The following JAZF1 variants were observed in gnomAD, a reference collection of about 807,000 sequenced individuals.
JAZF1 encodes JAZF zinc finger 1, also known as juxtaposed with another zinc finger protein 1.
JAZF1 carries 8 observed loss-of-function variants against 26.4 expected under a neutral mutation model. That is an observed-to-expected ratio of 0.30 (90% CI 0.18 to 0.55). The LOEUF (loss-of-function observed/expected upper bound fraction) is 0.55, where lower values mean the gene tolerates loss of function less well. JAZF1 is among the 20% of genes least tolerant of loss of function. The pLI is 0.94. For synonymous variants in JAZF1, 126 were observed against 122.3 expected (o/e 1.03, Z -0.20); for missense variants, 199 against 322.0 (o/e 0.62, Z 2.92).
intron 2 of JAZF1, among the ~76,000 whole-genome samples, chr7:27,954,676 A>C (rs1457117476): frequency 6.6e-6 from 1 of 152,192 alleles, no homozygotes; most frequent in East Asian, 1.9e-4. Flanking sequence ...CTATGGGTGG[A>C]GGGCAAGGCA....
Position 28,180,466 on chromosome 7 carries a change from T to C in JAZF1, c.112A>G (p.Ile38Val). ...DLIEHIEDNH[I>V]DTDPRVLEKQ... is the part of the protein sequence containing the mutation. ...CGCCCACCCCCGGGCCATTTACCGA[T>C]GTGGTTGTCCTCGATGTGCTCGATG... Residue 38 changes from isoleucine (I) to valine (V), a missense_variant, in exon 1 of 5, where the codon ATC (isoleucine) becomes GTC (valine). Physicochemically the swap from Ile to Val is conservative, Grantham distance 29. Coordinates refer to ENST00000283928, the MANE Select transcript of JAZF1 (RefSeq NM_175061.4). 6.3e-7 allele frequency: 1 copy of C among 1,596,314 alleles called. No homozygotes were observed. The highest frequency in any genetic ancestry group is 8.6e-7 in the Non-Finnish European group (1 of 1,169,214).
chr7:27,961,090 T>C (rs1460972605), intron 2 of JAZF1, among the ~76,000 whole-genome samples: 1 of 152,206 alleles, frequency 6.6e-6, no homozygotes, highest in Non-Finnish European at 1.5e-5. Context: ...AAGCTGGCAG[T>C]TTTATTGCTT....
intron 1 of JAZF1, among the ~76,000 whole-genome samples, chr7:28,066,820 T>G (rs962904264): frequency 3.3e-5 from 5 of 152,002 alleles, no homozygotes; most frequent in African/African-American, 1.2e-4. Flanking sequence ...AAACTCTAAT[T>G]GGAAAATCAG....
At chr7:27,960,183 T>C (rs1469579153) in intron 2 of JAZF1, among the ~76,000 whole-genome samples, 2 of 152,232 alleles carry the variant, frequency 1.3e-5, no homozygotes, top group Non-Finnish European at 2.9e-5. Flanking sequence ...GTTAGACTTG[T>C]TGTGCTTATT....
intron 2 of JAZF1, among the ~76,000 whole-genome samples, chr7:27,910,296 A>G (rs1359293799): frequency 1.3e-5 from 2 of 152,164 alleles, no homozygotes; most frequent in Non-Finnish European, 2.9e-5. Context: ...TTTCCCCTAC[A>G]TGCTCCATCC....
chr7:27,870,059 C>T (rs967396151), intron 3 of JAZF1, among the ~76,000 whole-genome samples: 87 of 151,134 alleles, frequency 5.8e-4, no homozygotes, highest in Non-Finnish European at 1.0e-3. Flanking sequence ...CAGGCGCACA[C>T]TGCCACACCC....
At chr7:27,973,225 G>A (rs1562545098) in intron 2 of JAZF1, among the ~76,000 whole-genome samples, 1 of 152,016 alleles carries the variant, frequency 6.6e-6, no homozygotes, top group East Asian at 1.9e-4. Context: ...TTAATGTTAT[G>A]ATTTTTTAAA....
intron 3 of JAZF1, among the ~76,000 whole-genome samples, chr7:27,845,733 A>G (rs1442210126): frequency 6.6e-6 from 1 of 151,620 alleles, no homozygotes; most frequent in Admixed American, 6.6e-5. Flanking sequence ...AAAGAAAAAG[A>G]AATTTTAAAA....
chr7:28,174,060 A>C (rs1403020453), intron 1 of JAZF1, among the ~76,000 whole-genome samples: 1 of 152,170 alleles, frequency 6.6e-6, no homozygotes, highest in Non-Finnish European at 1.5e-5. Flanking sequence ...TCAGATTCTA[A>C]ATAAATAACA....
chr7:28,115,415 A>G (rs960017639), intron 1 of JAZF1, among the ~76,000 whole-genome samples: 1 of 152,202 alleles, frequency 6.6e-6, no homozygotes, highest in African/African-American at 2.4e-5. Flanking sequence ...AATTTAGACT[A>G]GCCACATTTC....
chr7:28,119,105 G>A (rs1329701391), intron 1 of JAZF1, among the ~76,000 whole-genome samples: 2 of 152,064 alleles, frequency 1.3e-5, no homozygotes. Context: ...AAGAGGCAGT[G>A]GCCATGCTGC....
intron 1 of JAZF1, among the ~76,000 whole-genome samples, chr7:28,002,888 G>A (rs569331951): frequency 6.6e-6 from 1 of 152,034 alleles, no homozygotes. Context: ...TAATATGGTA[G>A]ATTTCTTTCA....
At position 28,101,813 on chromosome 7, in the gene JAZF1, AAAAC is replaced by A. The variant is rs543544505; in HGVS notation, c.115+78646_115+78649del. On this transcript the variant is annotated intron_variant, in intron 1 of 4. Coordinates refer to ENST00000283928, the MANE Select transcript of JAZF1 (RefSeq NM_175061.4). ...TTGGTGTACTTGAGAATCTGTAAAGAAAACAAACAAACAAATAAACAAAAACAAA... is the reference window on the plus strand; with the variant it reads ...TTGGTGTACTTGAGAATCTGTAAAGAAAACAAACAAATAAACAAAAACAAA... Among the ~76,000 whole-genome samples the A allele has an allele frequency of 4.6e-3, 703 of 152,306 alleles. 5 individuals are homozygous for A. Among genetic ancestry groups the A allele is most frequent in the African/African-American group, 0.011 (453 of 41,572 alleles).
At chr7:28,115,113 A>C (rs889377015) in intron 1 of JAZF1, among the ~76,000 whole-genome samples, 6 of 152,212 alleles carry the variant, frequency 3.9e-5, no homozygotes, top group South Asian at 2.1e-4. Flanking sequence ...GTTGTTTTTA[A>C]GTAATTCTGG....
At chr7:28,025,858 G>A (rs906119374) in intron 1 of JAZF1, among the ~76,000 whole-genome samples, 6 of 152,174 alleles carry the variant, frequency 3.9e-5, no homozygotes, top group African/African-American at 1.2e-4. Context: ...GGTTACTCTA[G>A]CCAAATGCAC....
At chr7:28,069,557 T>A (rs1362446112) in intron 1 of JAZF1, among the ~76,000 whole-genome samples, 1 of 152,138 alleles carries the variant, frequency 6.6e-6, no homozygotes, top group Non-Finnish European at 1.5e-5. Flanking sequence ...CATGCACCTG[T>A]AATGAGAGGT....
In JAZF1 at chr7:28,001,035, G is replaced by A. The variant is rs184033054; in HGVS notation, c.116-9054C>T. On this transcript the variant is annotated intron_variant, in intron 1 of 4. Transcript: ENST00000283928. ...TAAGTCAGTAGGTTCACAATTGAGC[G>A]AAAAAGATGAACAGAATTCACAGTT... is the stretch of plus-strand genomic sequence containing the variant. Among the ~76,000 whole-genome samples, 653 of 152,066 alleles carry A rather than the reference G, an allele frequency of 4.3e-3. 8 individuals are homozygous for A. The highest frequency in any genetic ancestry group is 4.6e-3 in the Non-Finnish European group (310 of 67,982).
In JAZF1 at chr7:28,015,033, A is replaced by ATGTGTGTGTG. The variant is rs397804972; in HGVS notation, c.116-23062_116-23053dup. On this transcript the variant is annotated intron_variant, in intron 1 of 4. Transcript: ENST00000283928. The stretch of plus-strand genomic sequence containing the variant: ...GACCCAGCAAAAGCAGAAAGTGTGT[A>ATGTGTGTGTG]TGTGTGTGTGTGTGTGTGTGTGTGT... Among the ~76,000 whole-genome samples, 456 of 140,776 alleles carry ATGTGTGTGTG rather than the reference A, an allele frequency of 3.2e-3. 3 individuals carry two copies. Among genetic ancestry groups the ATGTGTGTGTG allele is most frequent in the South Asian group, 4.5e-3 (20 of 4,450 alleles). 92.4% of individuals were successfully genotyped at this position (140,776 alleles called of 152,430 possible). A position where few individuals can be genotyped will look rare whatever the true frequency, so the allele number is the denominator to read the frequency against.
intron 1 of JAZF1, among the ~76,000 whole-genome samples, chr7:28,077,186 C>A (rs1475075680): frequency 1.3e-5 from 2 of 152,136 alleles, no homozygotes; most frequent in Non-Finnish European, 2.9e-5. Context: ...ACTATACAAA[C>A]TGGGAGGATT....
Sources: gnomAD v4.1 joint callset for allele counts (sites outside exome capture counted in the v4.1 genomes callset) on GRCh38, gnomAD v4.1.1 for gene constraint, MANE v1.5 for transcripts, NCBI Gene and HGNC (gene_info 2026-07-23, HGNC 2026-07-21) for gene names.